The following SGK2 variants were observed in gnomAD, a reference collection of about 807,000 sequenced individuals.
SGK2 encodes the protein serum/glucocorticoid regulated kinase 2.
SGK2 carries 36 observed loss-of-function variants against 47.5 expected under a neutral mutation model. That is an observed-to-expected ratio of 0.76 (90% CI 0.58 to 1.00). SGK2 has a LOEUF of 1.00. SGK2 is among the 50% of genes least tolerant of loss of function. SGK2 has a pLI of 0.00. For missense variants in SGK2, 404 were observed against 467.4 expected, an observed-to-expected ratio of 0.86 and a Z score of 1.25; for synonymous variants, 157 against 181.9, an observed-to-expected ratio of 0.86 and a Z score of 1.10.
intron 11 of SGK2, among the ~76,000 whole-genome samples, chr20:43,579,296 G>A (rs573056289): frequency 1.3e-4 from 20 of 152,276 alleles, no homozygotes; most frequent in Non-Finnish European, 2.2e-4. Context: ...CACTACCAGC[G>A]TGAGCCACTG....
Position 43,566,490 on chromosome 20 carries a change from TA to T in SGK2, c.-5del. 6.2e-7 allele frequency: 1 copy of T among 1,613,962 alleles called. No homozygotes were observed. Among genetic ancestry groups the T allele is most frequent in the Non-Finnish European group, 8.5e-7 (1 of 1,179,990 alleles). Reference sequence around the variant, plus strand: ...CCCCCCAGAGCTGCCTGATCATTGCTACAGAATGAACTCTAGCCCAGCTGGG... The same window carrying T: ...CCCCCCAGAGCTGCCTGATCATTGCTCAGAATGAACTCTAGCCCAGCTGGG... On this transcript the variant is annotated 5_prime_UTR_variant, in exon 2 of 13. Transcript: ENST00000373100.
chr20:43,565,627 C>T (rs1202304733), intron 1 of SGK2: 4 of 152,256 alleles, frequency 2.6e-5, no homozygotes, highest in African/African-American at 9.6e-5. Flanking sequence ...TGGGCCAAGA[C>T]TAAGGTCTTG....
At chr20:43,578,815 C>T (rs969974124) in intron 11 of SGK2, among the ~76,000 whole-genome samples, 4 of 151,978 alleles carry the variant, frequency 2.6e-5, no homozygotes, top group Admixed American at 2.6e-4. Context: ...TAGGGGCTTC[C>T]GTGAAGATGT....
At chr20:43,578,205 C>T (rs1980582034) in intron 11 of SGK2, among the ~76,000 whole-genome samples, 1 of 152,114 alleles carries the variant, frequency 6.6e-6, no homozygotes, top group African/African-American at 2.4e-5. Context: ...ATGGACTAGG[C>T]CAGGTGCAGT....
chr20:43,584,240 G>A (rs1239296073), intron 12 of SGK2, among the ~76,000 whole-genome samples: 1 of 152,052 alleles, frequency 6.6e-6, no homozygotes, highest in Non-Finnish European at 1.5e-5. Context: ...CTCCTGATGT[G>A]CAATTTTCAA....
At chr20:43,560,647 C>T (rs1979327379) in intron 1 of SGK2, among the ~76,000 whole-genome samples, 1 of 152,180 alleles carries the variant, frequency 6.6e-6, no homozygotes, top group Non-Finnish European at 1.5e-5. Context: ...ATTGGTACCC[C>T]TACAACACCT....
intron 12 of SGK2, among the ~76,000 whole-genome samples, chr20:43,580,344 A>T (rs1465764108): frequency 6.6e-6 from 1 of 152,238 alleles, no homozygotes; most frequent in Non-Finnish European, 1.5e-5. Flanking sequence ...GCACACCCAC[A>T]TAGGGCCAAG....
At chr20:43,568,078 A>C in intron 5 of SGK2, 79 bp downstream of exon 5, 1 of 1,157,240 alleles carries the variant, frequency 8.6e-7, no homozygotes, top group Non-Finnish European at 1.3e-6. Context: ...GATGGGTCCC[A>C]CCTCTGACAG....
intron 6 of SGK2, 58 bp downstream of exon 6, chr20:43,569,574 C>A: frequency 1.3e-6 from 2 of 1,577,286 alleles, no homozygotes; most frequent in Non-Finnish European, 1.7e-6. Flanking sequence ...AGCTGTCCAT[C>A]CCACATGCCC....
intron 1 of SGK2, chr20:43,566,212 A>C: frequency 1.1e-6 from 1 of 889,822 alleles, no homozygotes; most frequent in South Asian, 2.0e-5. Flanking sequence ...GTTCTTGAAA[A>C]GAATCAGCCT....
At chr20:43,566,366 C>A in intron 1 of SGK2, 107 bp from the exon 2 acceptor site, 1 of 1,613,920 alleles carries the variant, frequency 6.2e-7, no homozygotes, top group Non-Finnish European at 8.5e-7. Flanking sequence ...GTGGCAGGTG[C>A]ACAGGTAGGG....
chr20:43,579,011 CTTTTTTTTTTTTTTT>C (rs10523244), intron 11 of SGK2, among the ~76,000 whole-genome samples: 1 of 143,814 alleles, frequency 7.0e-6, no homozygotes. Context: ...CTTTCGGAGG[CTTTTTTTTTTTTTTT>C]TTTTTTTTTG....
intron 6 of SGK2, among the ~76,000 whole-genome samples, chr20:43,570,056 C>G (rs1382614299): frequency 1.3e-5 from 2 of 152,158 alleles, no homozygotes; most frequent in African/African-American, 2.4e-5. Flanking sequence ...CAGAATGATG[C>G]TAAGAGGGGG....
At chr20:43,567,802 T>A in intron 4 of SGK2, 80 bp downstream of exon 4, 3 of 1,563,790 alleles carry the variant, frequency 1.9e-6, no homozygotes, top group East Asian at 2.2e-5. Flanking sequence ...CTTGTATGTA[T>A]GAAGAGAGAG....
chr20:43,560,489 A>C (rs1171074188), intron 1 of SGK2, among the ~76,000 whole-genome samples: 2 of 137,190 alleles, frequency 1.5e-5, no homozygotes, highest in Non-Finnish European at 3.0e-5. Flanking sequence ...ACAGAGCGAG[A>C]CTCCATCTCA....
intron 11 of SGK2, among the ~76,000 whole-genome samples, chr20:43,577,191 G>C (rs978735397): frequency 1.3e-5 from 2 of 152,124 alleles, no homozygotes; most frequent in Non-Finnish European, 2.9e-5. Flanking sequence ...AGGCTCCCCA[G>C]ACACAAGGCA....
At chr20:43,571,697 A>G (rs1600993021) in intron 8 of SGK2, among the ~76,000 whole-genome samples, 1 of 152,122 alleles carries the variant, frequency 6.6e-6, no homozygotes, top group Non-Finnish European at 1.5e-5. Flanking sequence ...TCCAGGCAGA[A>G]CCCCACAGTA....
Position 43,571,064 on chromosome 20 carries a change from G to GGTGGGTGGGTGTGTGTGTGT in SGK2, c.510+7_510+8insGGTGGGTGTGTGTGTGTGTG, listed in dbSNP as rs796100790. On this transcript the variant is annotated splice_donor_region_variant and intron_variant, in intron 8 of 12. Coordinates refer to ENST00000373100, the MANE Select transcript of SGK2 (RefSeq NM_170693.3). Reference sequence around the variant, plus strand: ...GAACATTCTCTTGGACTGCCAGGTTGGTGTGTGTGTGTGTGTGTGTGTGTG... The same window carrying GGTGGGTGGGTGTGTGTGTGT: ...GAACATTCTCTTGGACTGCCAGGTTGGTGGGTGGGTGTGTGTGTGTGTGTGTGTGTGTGTGTGTGTGTGTG... 1.0e-4 allele frequency: 162 copies of GGTGGGTGGGTGTGTGTGTGT among 1,566,018 alleles called. No individual in the cohort carries two copies. Among genetic ancestry groups the GGTGGGTGGGTGTGTGTGTGT allele is most frequent in the East Asian group, 7.7e-4 (34 of 44,156 alleles).
At position 43,566,487 on chromosome 20, in the gene SGK2, T is replaced by C. The variant is rs756991982; in HGVS notation, c.-9T>C. On this transcript the variant is annotated 5_prime_UTR_variant, in exon 2 of 13. Coordinates refer to ENST00000373100, the MANE Select transcript of SGK2 (RefSeq NM_170693.3). ...TGTCCCCCCAGAGCTGCCTGATCATTGCTACAGAATGAACTCTAGCCCAGC... is the reference window on the plus strand; with the variant it reads ...TGTCCCCCCAGAGCTGCCTGATCATCGCTACAGAATGAACTCTAGCCCAGC... 5.6e-6 allele frequency: 9 copies of C among 1,613,894 alleles called. No individual in the cohort carries two copies. Among genetic ancestry groups the C allele is most frequent in the African/African-American group, 1.3e-5 (1 of 74,888 alleles).
Sources: allele counts gnomAD v4.1 joint callset (sites outside exome capture counted in the v4.1 genomes callset), GRCh38; gene constraint gnomAD v4.1.1; transcripts MANE v1.5; gene names NCBI Gene and HGNC (gene_info 2026-07-23, HGNC 2026-07-21).